Variants in OR1B1 observed in about 807,000 individuals in gnomAD.
OR1B1 encodes the protein olfactory receptor family 1 subfamily B member 1, also known as olfactory receptor 1B1.
For synonymous variants in OR1B1, 168 were observed against 156.2 expected (o/e 1.08, Z -0.57); for missense variants, 414 against 402.1 (o/e 1.03, Z -0.25).
At chr9:122,635,733 C>A in the OR1B1 span, among the ~76,000 whole-genome samples, 450 of 152,232 alleles carry the variant, frequency 3.0e-3, 1 homozygote, top group Non-Finnish European at 5.4e-3. Flanking sequence ...ATTTGCCAGA[C>A]TTAATGAAGG....
chr9:122,637,790 A>G, the OR1B1 span, among the ~76,000 whole-genome samples: 1 of 152,184 alleles, frequency 6.6e-6, no homozygotes, highest in Non-Finnish European at 1.5e-5. Context: ...GTTTTTTAAG[A>G]TTCATTTTGT....
the OR1B1 span, among the ~76,000 whole-genome samples, chr9:122,649,575 A>T: frequency 3.5e-4 from 53 of 152,338 alleles, no homozygotes; most frequent in South Asian, 6.8e-3. Flanking sequence ...AACCCCATCA[A>T]AAAGTGGGCA....
chr9:122,632,973 A>G (rs2109693), upstream of OR1B1, among the ~76,000 whole-genome samples: 109,280 of 151,988 alleles, frequency 0.72, 40,007 homozygotes, highest in East Asian at 0.97. Context: ...CACATCTCAC[A>G]TGGCGGCAGA....
chr9:122,634,291 A>G (rs1180859616), upstream of OR1B1, among the ~76,000 whole-genome samples: 3 of 151,196 alleles, frequency 2.0e-5, no homozygotes, highest in Non-Finnish European at 2.9e-5. Flanking sequence ...AGCAGAGATC[A>G]TGCCATTGCA....
upstream of OR1B1, among the ~76,000 whole-genome samples, chr9:122,632,359 G>T (rs1587981168): frequency 6.6e-6 from 1 of 151,994 alleles, no homozygotes; most frequent in East Asian, 1.9e-4. Context: ...CATTCACATT[G>T]AAATGAAAAA....
chr9:122,629,901 G>A (rs1043866531), upstream of OR1B1, among the ~76,000 whole-genome samples: 1 of 152,074 alleles, frequency 6.6e-6, no homozygotes, highest in Non-Finnish European at 1.5e-5. Flanking sequence ...TATATTCACT[G>A]TCTCCAGTTC....
chr9:122,635,649 A>G, the OR1B1 span, among the ~76,000 whole-genome samples: 1 of 152,216 alleles, frequency 6.6e-6, no homozygotes, highest in East Asian at 1.9e-4. Flanking sequence ...AAATATACAC[A>G]ATAAAAAATA....
the OR1B1 span, among the ~76,000 whole-genome samples, chr9:122,636,416 A>T: frequency 6.6e-6 from 1 of 152,200 alleles, no homozygotes; most frequent in East Asian, 1.9e-4. Flanking sequence ...GGAGTTCAAG[A>T]CCCACCTGGG....
upstream of OR1B1, among the ~76,000 whole-genome samples, chr9:122,634,296 A>T (rs1830235462): frequency 6.6e-6 from 1 of 150,890 alleles, no homozygotes; most frequent in African/African-American, 2.4e-5. Context: ...AGATCATGCC[A>T]TTGCACTCCA....
At chr9:122,632,623 T>A (rs1830214076), upstream of OR1B1, among the ~76,000 whole-genome samples, 1 of 152,136 alleles carries the variant, frequency 6.6e-6, no homozygotes, top group Admixed American at 6.5e-5. Context: ...TTCTTTTCCC[T>A]TTGCATCCTC....
upstream of OR1B1, among the ~76,000 whole-genome samples, chr9:122,633,879 A>G (rs569304858): frequency 1.4e-4 from 20 of 143,664 alleles, no homozygotes; most frequent in South Asian, 4.9e-3. Flanking sequence ...CTGTGAGCTG[A>G]GATCACACCA....
At chr9:122,643,749 G>A in the OR1B1 span, among the ~76,000 whole-genome samples, 1 of 152,192 alleles carries the variant, frequency 6.6e-6, no homozygotes, top group Non-Finnish European at 1.5e-5. Flanking sequence ...GAGTAAAGAG[G>A]ACTTTGTCTT....
chr9:122,629,207 C>T, exon 1 of OR1B1: 1 of 1,613,950 alleles, frequency 6.2e-7, no homozygotes, highest in Non-Finnish European at 8.5e-7. Flanking sequence ...ATCTGTAACC[C>T]CAAATGCATA....
downstream of OR1B1, chr9:122,628,477 G>C: frequency 1.4e-6 from 1 of 736,276 alleles, no homozygotes; most frequent in Non-Finnish European, 2.3e-6. Context: ...AGTTCCTTAA[G>C]TTATCTAGGC....
chr9:122,646,989 G>T, the OR1B1 span, among the ~76,000 whole-genome samples: 2 of 152,124 alleles, frequency 1.3e-5, no homozygotes, highest in African/African-American at 4.8e-5. Context: ...TATGCAATCA[G>T]TGTTAGGTTG....
chr9:122,630,866 C>T (rs1219522608), upstream of OR1B1, among the ~76,000 whole-genome samples: 6 of 152,022 alleles, frequency 3.9e-5, no homozygotes, highest in Non-Finnish European at 8.8e-5. Flanking sequence ...CATCACCACA[C>T]CCAGTTCATT....
the OR1B1 span, among the ~76,000 whole-genome samples, chr9:122,641,815 CA>C: frequency 1.3e-5 from 2 of 152,058 alleles, no homozygotes; most frequent in African/African-American, 4.8e-5. Flanking sequence ...AGCCATTTCA[CA>C]AGGTATGCAA....
the OR1B1 span, among the ~76,000 whole-genome samples, chr9:122,656,475 G>A: frequency 2.6e-5 from 4 of 151,784 alleles, no homozygotes; most frequent in African/African-American, 9.7e-5. Context: ...TATCATGGGA[G>A]TGGGTTCCTG....
At chr9:122,640,659 C>T in the OR1B1 span, among the ~76,000 whole-genome samples, 4,842 of 152,176 alleles carry the variant, frequency 0.032, 256 homozygotes, top group African/African-American at 0.11. Flanking sequence ...CAAAGCACAA[C>T]TGTTATTTTA....
Sources: allele counts gnomAD v4.1 joint callset (sites outside exome capture counted in the v4.1 genomes callset), GRCh38; gene constraint gnomAD v4.1.1; transcripts MANE v1.5; gene names NCBI Gene and HGNC (gene_info 2026-07-23, HGNC 2026-07-21).